Variants in TSBP1 observed in about 807,000 individuals in gnomAD.
TSBP1 encodes testis expressed basic protein 1.
In TSBP1, 56 loss-of-function variants were observed where a neutral mutation model predicts 68.8. The ratio of observed to expected loss-of-function variants is 0.81; its 90% CI spans 0.66 to 1.02. The LOEUF (loss-of-function observed/expected upper bound fraction) is 1.02, where lower values mean the gene tolerates loss of function less well. Among genes scored for constraint, TSBP1 ranks in the 50% least tolerant of loss-of-function variants. The pLI is 0.00. For missense variants in TSBP1, 502 were observed against 641.2 expected (o/e 0.78, Z 2.34); for synonymous variants, 171 against 208.7 (o/e 0.82, Z 1.56).
Position 32,365,468 on chromosome 6 carries a change from C to T in TSBP1, c.217+699G>A, listed in dbSNP as rs544802056. The T allele has an allele frequency of 9.0e-5, 41 of 456,816 alleles. No homozygotes were observed. The highest frequency in any genetic ancestry group is 4.2e-4 in the African/African-American group (21 of 50,188). The allele number at this position is 456,816 out of a possible 1,614,324, so 28.3% of individuals were successfully genotyped here. ...AGCATAGGTCACGCATCTCAAATGG[C>T]AGGCTTTCTGATGAGGCTTTCTGAT... On this transcript the variant is annotated intron_variant, in intron 6 of 22. Coordinates refer to ENST00000612031, the Ensembl canonical transcript of TSBP1. The surrounding 1 kb of genome is among the most constrained non-coding windows in gnomAD (Gnocchi z 4.3).
At chr6:32,368,054 G>T in intron 3 of TSBP1, 97 bp from the exon 4 acceptor site, 1 of 933,782 alleles carries the variant, frequency 1.1e-6, no homozygotes, top group South Asian at 1.4e-5. Flanking sequence ...AACTCCTAAT[G>T]GTGAATAATG....
intron 19 of TSBP1, among the ~76,000 whole-genome samples, chr6:32,310,048 A>T (rs1487879657): frequency 6.6e-6 from 1 of 152,116 alleles, no homozygotes; most frequent in Non-Finnish European, 1.5e-5. Flanking sequence ...AATGACCTTC[A>T]TTTCCATCCA....
chr6:32,300,571 A>G (rs946401727), intron 21 of TSBP1, 109 bp downstream of exon 24: 1 of 878,560 alleles, frequency 1.1e-6, no homozygotes, highest in Admixed American at 1.9e-5. Context: ...TTGAAGAAAT[A>G]TTGACTGCTG....
chr6:32,370,407 G>GTGTATATATATA (rs1241237254), intron 1 of TSBP1, among the ~76,000 whole-genome samples: 8 of 130,708 alleles, frequency 6.1e-5, no homozygotes, highest in South Asian at 4.9e-4. Flanking sequence ...AAGATTTTCT[G>GTGTATATATATA]TATATATATA....
chr6:32,293,074 C>T, exon 23 of TSBP1: 1 of 1,612,104 alleles, frequency 6.2e-7, no homozygotes, highest in Non-Finnish European at 8.5e-7. Flanking sequence ...CTGATTCTCT[C>T]TTTCCTTTAA....
At position 32,333,453 on chromosome 6, in the gene TSBP1, C is replaced by T. The variant is rs117322947; in HGVS notation, c.473-1399G>A. On this transcript the variant is annotated intron_variant, in intron 14 of 22. Transcript: ENST00000612031. The surrounding 1 kb of genome is among the most constrained non-coding windows in gnomAD (Gnocchi z 4.2). ...CCCATGTATTTGGTCATATTCCTTA[C>T]GGGATCCCTGCAGGTAATGTGTATG... Among the ~76,000 whole-genome samples the T allele has an allele frequency of 9.3e-4, 142 of 152,254 alleles. 1 individual carries two copies. The East Asian group carries it at 0.026, about 28-fold the overall frequency.
intron 18 of TSBP1, among the ~76,000 whole-genome samples, chr6:32,320,831 G>A (rs1490699200): frequency 1.3e-5 from 2 of 151,532 alleles, no homozygotes; most frequent in Admixed American, 1.3e-4. Flanking sequence ...ATCCTCTCCC[G>A]CTCCCACCCT....
At chr6:32,342,755 T>G (rs539646151) in intron 9 of TSBP1, among the ~76,000 whole-genome samples, 16 of 152,296 alleles carry the variant, frequency 1.1e-4, no homozygotes, top group East Asian at 3.9e-4. Context: ...AGATACGAAG[T>G]GAGCAATAAC....
At chr6:32,334,895 G>C (rs1265756) in intron 14 of TSBP1, among the ~76,000 whole-genome samples, 1 of 152,006 alleles carries the variant, frequency 6.6e-6, no homozygotes. Context: ...TTAGCCGGGC[G>C]TGGTGGTGGG....
chr6:32,318,958 T>C (rs898080907), intron 18 of TSBP1, among the ~76,000 whole-genome samples: 1 of 152,128 alleles, frequency 6.6e-6, no homozygotes, highest in Non-Finnish European at 1.5e-5. Flanking sequence ...ATAAAAAAGA[T>C]AAAATTATGG....
chr6:32,370,539 C>A (rs1446550393), intron 1 of TSBP1, among the ~76,000 whole-genome samples: 2 of 151,382 alleles, frequency 1.3e-5, no homozygotes, highest in African/African-American at 4.9e-5. Flanking sequence ...AGCACCTTGA[C>A]TGAAGGGTGC....
intron 6 of TSBP1, among the ~76,000 whole-genome samples, chr6:32,362,898 T>G (rs1377717621): frequency 6.6e-6 from 1 of 152,210 alleles, no homozygotes; most frequent in Non-Finnish European, 1.5e-5. Flanking sequence ...CTTTCCCTAT[T>G]GGGTATTCTT....
chr6:32,366,876 G>A (rs1773806457), intron 4 of TSBP1, among the ~76,000 whole-genome samples: 2 of 149,872 alleles, frequency 1.3e-5, no homozygotes, highest in Admixed American at 1.3e-4. Context: ...AGAAAATAAA[G>A]AGGGAATGCC....
intron 14 of TSBP1, among the ~76,000 whole-genome samples, chr6:32,332,558 C>T (rs1293065487): frequency 6.6e-6 from 1 of 152,024 alleles, no homozygotes; most frequent in Non-Finnish European, 1.5e-5. Flanking sequence ...CTTTGATTAG[C>T]TTTAGAGTCT....
At chr6:32,334,830 G>A (rs1164012649) in intron 14 of TSBP1, among the ~76,000 whole-genome samples, 3 of 152,124 alleles carry the variant, frequency 2.0e-5, no homozygotes, top group African/African-American at 7.2e-5. Flanking sequence ...TCAGGAGATC[G>A]AGACCATTCT....
At chr6:32,320,718 A>C (rs1223107858) in intron 18 of TSBP1, among the ~76,000 whole-genome samples, 1 of 152,144 alleles carries the variant, frequency 6.6e-6, no homozygotes, top group Non-Finnish European at 1.5e-5. Context: ...TTTTAAATTC[A>C]GGGACACATG....
chr6:32,324,673 G>T (rs762336594), intron 16 of TSBP1: 25 of 1,550,706 alleles, frequency 1.6e-5, no homozygotes, highest in Non-Finnish European at 2.0e-5. Flanking sequence ...GTGAGGATGC[G>T]ATCTGACTGA....
rs1769599087 is a variant in TSBP1 at position 32,335,901 on chromosome 6, A to G, written c.451+11T>C. 1 of 1,605,586 alleles carries G rather than the reference A, an allele frequency of 6.2e-7. No individual in the cohort carries two copies. The highest frequency in any genetic ancestry group is 8.5e-7 in the Non-Finnish European group (1 of 1,173,882). On this transcript the variant is annotated intron_variant, in intron 13 of 22. Coordinates refer to ENST00000612031, the Ensembl canonical transcript of TSBP1. This position sits in a 1 kb window ranked among gnomAD's most constrained non-coding sequence, Gnocchi z 5.5. The stretch of plus-strand genomic sequence containing the variant: ...AAATGCTCACTGTGGAGAATCAGAG[A>G]GCAAACTTACTGATAGGTCCTGTAG...
At position 32,302,563 on chromosome 6, in the gene TSBP1, C is replaced by T. The variant is rs200871744; in HGVS notation, c.601+46G>A. The T allele has an allele frequency of 5.1e-5, 67 of 1,312,176 alleles. No individual in the cohort carries two copies. Among genetic ancestry groups the T allele is most frequent in the Non-Finnish European group, 8.7e-6 (8 of 922,440 alleles). 81.3% of individuals were successfully genotyped at this position (1,312,176 alleles called of 1,614,324 possible). ...ATTTGTAGAAAAAATTTGCTCACCCCAGCCCTACAAGAAACTAATGTAATA... is the reference window on the plus strand; with the variant it reads ...ATTTGTAGAAAAAATTTGCTCACCCTAGCCCTACAAGAAACTAATGTAATA... On this transcript the variant is annotated intron_variant, in intron 20 of 22. Coordinates refer to ENST00000612031, the Ensembl canonical transcript of TSBP1. This position sits in a 1 kb window ranked among gnomAD's most constrained non-coding sequence, Gnocchi z 5.1.
Sources: gnomAD v4.1 joint callset for allele counts (sites outside exome capture counted in the v4.1 genomes callset) on GRCh38, gnomAD v4.1.1 for gene constraint, Gnocchi (gnomAD v3.1) non-coding constraint, MANE v1.5 for transcripts, NCBI Gene and HGNC (gene_info 2026-07-23, HGNC 2026-07-21) for gene names.